The following LGR5 variants were observed in gnomAD, a reference collection of about 807,000 sequenced individuals.
LGR5 encodes the protein leucine rich repeat containing G protein-coupled receptor 5, also known as leucine-rich repeat-containing G protein-coupled receptor 5.
LGR5 carries 54 observed loss-of-function variants against 76.7 expected under a neutral mutation model. That is an observed-to-expected ratio of 0.70 (90% CI 0.57 to 0.88). The LOEUF is 0.88. Ranked by LOEUF, LGR5 falls within the 40% of genes least tolerant of loss-of-function variation. LGR5 has a pLI of 0.00. For synonymous variants in LGR5, 406 were observed against 421.9 expected (o/e 0.96, Z 0.46); for missense variants, 1,078 against 1,073.3 (o/e 1.00, Z -0.06).
chr12:71,542,610 G>GA (rs1325415537), intron 4 of LGR5, among the ~76,000 whole-genome samples: 3 of 152,174 alleles, frequency 2.0e-5, no homozygotes, highest in African/African-American at 7.2e-5. Context: ...TCTAGGAGAT[G>GA]AAATTACCAG....
chr12:71,521,325 C>T (rs1266611646), intron 2 of LGR5, among the ~76,000 whole-genome samples: 1 of 152,146 alleles, frequency 6.6e-6, no homozygotes, highest in African/African-American at 2.4e-5. Flanking sequence ...GGGGTCCATC[C>T]TGATTCGATT....
chr12:71,562,569 C>T (rs1206674724), intron 8 of LGR5, among the ~76,000 whole-genome samples: 1 of 152,094 alleles, frequency 6.6e-6, no homozygotes, highest in Non-Finnish European at 1.5e-5. Context: ...AGCCCTGTCT[C>T]CAACAAAAGG....
chr12:71,453,616 G>A (rs1872340002), intron 1 of LGR5, among the ~76,000 whole-genome samples: 1 of 151,908 alleles, frequency 6.6e-6, no homozygotes, highest in African/African-American at 2.4e-5. Flanking sequence ...GATTTCAGGG[G>A]ACTGAGAGAA....
At chr12:71,515,889 T>C (rs1196568796) in intron 2 of LGR5, among the ~76,000 whole-genome samples, 1 of 152,220 alleles carries the variant, frequency 6.6e-6, no homozygotes, top group Non-Finnish European at 1.5e-5. Flanking sequence ...ATGGCTTCCA[T>C]GCTCCATAAG....
At chr12:71,480,676 A>G (rs1326953702) in intron 1 of LGR5, among the ~76,000 whole-genome samples, 1 of 152,210 alleles carries the variant, frequency 6.6e-6, no homozygotes, top group Non-Finnish European at 1.5e-5. Context: ...TATAGACTCT[A>G]TGGAAAGGTT....
Position 71,440,286 on chromosome 12 carries a change from C to G in LGR5, c.206C>G (p.Ser69Cys). The change falls in exon 1 of 18, where the codon TCC becomes TGC. Residue 69 changes from serine (S) to cysteine (C), a missense_variant. By Grantham distance (112) the Ser-to-Cys change is moderately radical (BLOSUM62 -1). Coordinates refer to ENST00000266674, the MANE Select transcript of LGR5 (RefSeq NM_003667.4). This position sits in a 1 kb window ranked among gnomAD's most constrained non-coding sequence, Gnocchi z 5.3. ...ELPSNLSVFT[S>C]YLDLSMNNIS... The stretch of plus-strand genomic sequence containing the variant: ...CCTTCCAACCTCAGCGTCTTCACCT[C>G]CTACCTGTAAGTACTTCCCCACGTC... 1 of 1,610,562 alleles carries G rather than the reference C, an allele frequency of 6.2e-7. No homozygotes were observed. The highest frequency in any genetic ancestry group is 8.5e-7 in the Non-Finnish European group (1 of 1,179,810).
At chr12:71,501,644 A>C (rs547142168) in intron 1 of LGR5, among the ~76,000 whole-genome samples, 1 of 152,376 alleles carries the variant, frequency 6.6e-6, no homozygotes, top group African/African-American at 2.4e-5. Context: ...TAAGAATTTC[A>C]GAGTAAAGTC....
At chr12:71,475,701 C>A (rs974381944) in intron 1 of LGR5, among the ~76,000 whole-genome samples, 1 of 152,154 alleles carries the variant, frequency 6.6e-6, no homozygotes, top group African/African-American at 2.4e-5. Context: ...AGTGTCAGGG[C>A]CTCTTGGAAC....
intron 1 of LGR5, among the ~76,000 whole-genome samples, chr12:71,493,559 G>C (rs34312462): frequency 1.3e-5 from 2 of 150,776 alleles, no homozygotes; most frequent in Non-Finnish European, 1.5e-5. Flanking sequence ...CTCTCTTTAT[G>C]CTCCAGATAA....
intron 11 of LGR5, among the ~76,000 whole-genome samples, chr12:71,568,179 T>C (rs1878440940): frequency 6.6e-6 from 1 of 152,208 alleles, no homozygotes; most frequent in African/African-American, 2.4e-5. Flanking sequence ...TGTCACACAA[T>C]GAGTGGTAAC....
At chr12:71,466,357 C>T (rs566890022) in intron 1 of LGR5, among the ~76,000 whole-genome samples, 2 of 152,260 alleles carry the variant, frequency 1.3e-5, no homozygotes, top group African/African-American at 4.8e-5. Flanking sequence ...AAATGGAGTT[C>T]AAACATTTAA....
chr12:71,446,139 T>C (rs1302582919), intron 1 of LGR5, among the ~76,000 whole-genome samples: 1 of 152,296 alleles, frequency 6.6e-6, no homozygotes, highest in African/African-American at 2.4e-5. Flanking sequence ...TTGAGTAGAA[T>C]TGGCTGAACC....
At chr12:71,487,999 G>A (rs1243572268) in intron 1 of LGR5, among the ~76,000 whole-genome samples, 1 of 152,178 alleles carries the variant, frequency 6.6e-6, no homozygotes, top group Admixed American at 6.5e-5. Flanking sequence ...AGGGTACCAA[G>A]CTTTTTTAGA....
intron 1 of LGR5, among the ~76,000 whole-genome samples, chr12:71,465,749 C>CT (rs1693861477): frequency 6.6e-6 from 1 of 152,154 alleles, no homozygotes; most frequent in Non-Finnish European, 1.5e-5. Flanking sequence ...CTCAGGATTC[C>CT]TTTTTCAGGT....
At position 71,555,787 on chromosome 12, in the gene LGR5, A is replaced by C. The variant is rs182180878; in HGVS notation, c.645-832A>C. Among the ~76,000 whole-genome samples the C allele has an allele frequency of 2.7e-3, 417 of 152,288 alleles. 3 individuals are homozygous for C. The highest frequency in any genetic ancestry group is 9.8e-3 in the African/African-American group (406 of 41,572). ...GTGGCAACTCCTCAAAGACCTAAAG[A>C]CAGAACTACCATTTGACCCAGCAAT... On this transcript the variant is annotated intron_variant, in intron 5 of 17. Coordinates refer to ENST00000266674, the MANE Select transcript of LGR5 (RefSeq NM_003667.4).
chr12:71,480,201 T>A (rs550830677), intron 1 of LGR5, among the ~76,000 whole-genome samples: 1 of 151,790 alleles, frequency 6.6e-6, no homozygotes, highest in Non-Finnish European at 1.5e-5. Context: ...CCGTCTCTAC[T>A]AAAAATACAA....
intron 6 of LGR5, among the ~76,000 whole-genome samples, chr12:71,558,807 A>T (rs1148982): frequency 0.53 from 79,939 of 152,092 alleles, 24,980 homozygotes; most frequent in Non-Finnish European, 0.7. Flanking sequence ...ACGAAGATCT[A>T]GATATAAGGT....
chr12:71,553,385 AT>A, intron 5 of LGR5, 97 bp downstream of exon 5: 1 of 1,013,416 alleles, frequency 9.9e-7, no homozygotes, highest in Non-Finnish European at 1.5e-6. Flanking sequence ...AAATGGGGAC[AT>A]TTTAAGGGAG....
intron 4 of LGR5, among the ~76,000 whole-genome samples, chr12:71,544,316 C>CTTTTTTT (rs5799045): frequency 5.7e-5 from 2 of 34,866 alleles, no homozygotes; most frequent in East Asian, 7.6e-4. Flanking sequence ...TCTTCTTCTT[C>CTTTTTTT]TTTTTTTTTT....
Sources: allele counts gnomAD v4.1 joint callset (sites outside exome capture counted in the v4.1 genomes callset), GRCh38; gene constraint gnomAD v4.1.1; non-coding constraint Gnocchi (gnomAD v3.1); transcripts MANE v1.5; gene names NCBI Gene and HGNC (gene_info 2026-07-23, HGNC 2026-07-21).